TAS2R1: variants seen among roughly 807,000 people sequenced by gnomAD.
The protein encoded by TAS2R1 is taste 2 receptor member 1, also known as taste receptor type 2 member 1.
For synonymous variants in TAS2R1, 141 were observed against 134.2 expected (o/e 1.05, Z -0.35); for missense variants, 370 against 353.4 (o/e 1.05, Z -0.38).
At chr5:9,660,667 T>C (rs557352835) in intron 1 of TAS2R1, among the ~76,000 whole-genome samples, 1 of 152,290 alleles carries the variant, frequency 6.6e-6, no homozygotes, top group East Asian at 1.9e-4. Flanking sequence ...TCACCATACA[T>C]GGCAAAAGGG....
At chr5:9,699,333 T>C (rs757770781) in intron 1 of TAS2R1, among the ~76,000 whole-genome samples, 2 of 152,346 alleles carry the variant, frequency 1.3e-5, no homozygotes, top group Non-Finnish European at 1.5e-5. Flanking sequence ...ATTGAATCAG[T>C]TCCCTTCGAC....
At chr5:9,706,071 C>A (rs1741603561) in intron 1 of TAS2R1, among the ~76,000 whole-genome samples, 1 of 152,116 alleles carries the variant, frequency 6.6e-6, no homozygotes, top group South Asian at 2.1e-4. Context: ...AAAATAAGTT[C>A]TTTTAGAAAT....
At chr5:9,797,903 C>T in the TAS2R1 span, among the ~76,000 whole-genome samples, 1,005 of 152,316 alleles carry the variant, frequency 6.6e-3, 14 homozygotes, top group African/African-American at 0.023. Context: ...TCATGTTCAA[C>T]TAATACACCT....
the TAS2R1 span, among the ~76,000 whole-genome samples, chr5:9,807,682 A>G: frequency 1.3e-5 from 2 of 152,160 alleles, no homozygotes; most frequent in African/African-American, 4.8e-5. Flanking sequence ...AGTAAACATC[A>G]TATGTTCTCA....
the TAS2R1 span, among the ~76,000 whole-genome samples, chr5:9,884,683 C>G: frequency 1.3e-5 from 2 of 152,100 alleles, no homozygotes; most frequent in Non-Finnish European, 1.5e-5. Context: ...ATTGTCACCC[C>G]AACCATTATT....
the TAS2R1 span, among the ~76,000 whole-genome samples, chr5:9,873,966 GAGAGAGAGAGGAAGAAAA>G: frequency 3.3e-5 from 5 of 149,524 alleles, no homozygotes; most frequent in Non-Finnish European, 7.4e-5. Flanking sequence ...AAAAGAGAGA[GAGAGAGAGAGGAAGAAAA>G]AGAGAGAGAG....
At chr5:9,798,129 G>T in the TAS2R1 span, among the ~76,000 whole-genome samples, 1 of 152,182 alleles carries the variant, frequency 6.6e-6, no homozygotes, top group Non-Finnish European at 1.5e-5. Flanking sequence ...AGACAGAAAA[G>T]ATCCCATGGT....
the TAS2R1 span, among the ~76,000 whole-genome samples, chr5:9,762,622 A>T: frequency 6.6e-6 from 1 of 152,202 alleles, no homozygotes; most frequent in Non-Finnish European, 1.5e-5. Context: ...ATCTGCAATG[A>T]TCTGAATCTT....
At chr5:9,887,747 C>T in the TAS2R1 span, among the ~76,000 whole-genome samples, 1 of 152,190 alleles carries the variant, frequency 6.6e-6, no homozygotes, top group South Asian at 2.1e-4. Flanking sequence ...GAGAAACAGA[C>T]ATGTCAATGA....
chr5:9,705,090 G>A (rs1056487241), intron 1 of TAS2R1, among the ~76,000 whole-genome samples: 4 of 152,126 alleles, frequency 2.6e-5, no homozygotes, highest in Non-Finnish European at 5.9e-5. Flanking sequence ...TGAAATAAAT[G>A]TATACGTGGT....
the TAS2R1 span, among the ~76,000 whole-genome samples, chr5:9,718,893 T>C: frequency 6.6e-6 from 1 of 152,144 alleles, no homozygotes; most frequent in South Asian, 2.1e-4. Flanking sequence ...AAAATCAATG[T>C]CTTAAAAGGC....
intron 1 of TAS2R1, among the ~76,000 whole-genome samples, chr5:9,671,084 T>A (rs1448687653): frequency 6.6e-6 from 1 of 152,182 alleles, no homozygotes; most frequent in South Asian, 2.1e-4. Flanking sequence ...TTTGATAAAA[T>A]TCAGCATCAC....
At chr5:9,691,509 C>T (rs2126518106) in intron 1 of TAS2R1, among the ~76,000 whole-genome samples, 1 of 152,380 alleles carries the variant, frequency 6.6e-6, no homozygotes, top group African/African-American at 2.4e-5. Flanking sequence ...CAGTCTTCCT[C>T]ACTGCATAGC....
chr5:9,672,593 C>T (rs1346487367), intron 1 of TAS2R1, among the ~76,000 whole-genome samples: 1 of 152,130 alleles, frequency 6.6e-6, no homozygotes, highest in Non-Finnish European at 1.5e-5. Context: ...TACTGTCTCA[C>T]ACCAGTAAAA....
the TAS2R1 span, among the ~76,000 whole-genome samples, chr5:9,861,709 G>A: frequency 6.6e-6 from 1 of 152,162 alleles, no homozygotes; most frequent in African/African-American, 2.4e-5. Context: ...GCAGCAAAAA[G>A]TCTCCCCTTG....
the TAS2R1 span, among the ~76,000 whole-genome samples, chr5:9,775,130 G>C: frequency 6.1e-4 from 93 of 152,228 alleles, 1 homozygote; most frequent in South Asian, 6.0e-3. Flanking sequence ...TGGCTGAGCT[G>C]GCACCTAAAC....
chr5:9,740,855 T>C, the TAS2R1 span, among the ~76,000 whole-genome samples: 2 of 152,226 alleles, frequency 1.3e-5, no homozygotes, highest in African/African-American at 2.4e-5. Context: ...TGAATTTTTA[T>C]TGTTTTCACT....
intron 1 of TAS2R1, among the ~76,000 whole-genome samples, chr5:9,668,844 A>C (rs2126501048): frequency 6.6e-6 from 1 of 152,252 alleles, no homozygotes; most frequent in South Asian, 2.1e-4. Flanking sequence ...TATTAAAAAA[A>C]AAACCACACA....
the TAS2R1 span, among the ~76,000 whole-genome samples, chr5:9,872,974 G>A: frequency 6.6e-6 from 1 of 152,024 alleles, no homozygotes; most frequent in Admixed American, 6.5e-5. Flanking sequence ...GAGGATTTAG[G>A]GTGCATTAGA....
Sources: allele counts gnomAD v4.1 joint callset (sites outside exome capture counted in the v4.1 genomes callset), GRCh38; gene constraint gnomAD v4.1.1; transcripts MANE v1.5; gene names NCBI Gene and HGNC (gene_info 2026-07-23, HGNC 2026-07-21).